GAPVD1: variants seen among roughly 807,000 people sequenced by gnomAD.
GAPVD1 encodes the protein GTPase-activating protein and VPS9 domain-containing protein 1.
GAPVD1 carries 35 observed loss-of-function variants against 155.5 expected under a neutral mutation model. The observed-to-expected ratio is 0.23, with a 90% confidence interval of 0.17 to 0.30. The LOEUF is 0.30. GAPVD1 is among the 10% of genes least tolerant of loss of function. The pLI is 1.00. For synonymous variants in GAPVD1, 636 were observed against 619.7 expected (o/e 1.03, Z -0.39); for missense variants, 1,429 against 1,775.7 (o/e 0.80, Z 3.51).
At position 125,307,890 on chromosome 9, in the gene GAPVD1, A is replaced by G. The variant is rs1203824713; in HGVS notation, c.1441+10A>G. 1 of 1,545,614 alleles carries G rather than the reference A, an allele frequency of 6.5e-7. No individual in the cohort carries two copies. The highest frequency in any genetic ancestry group is 8.9e-7 in the Non-Finnish European group (1 of 1,117,484). On this transcript the variant is annotated intron_variant, in intron 8 of 27. Coordinates refer to ENST00000297933, the MANE Select transcript of GAPVD1 (RefSeq NM_001282680.3). ...AATCGATTACCTATAGGTAAAGAGAATTTCTCGTATTGGAGCTTTCTCTTA... is the reference window on the plus strand; with the variant it reads ...AATCGATTACCTATAGGTAAAGAGAGTTTCTCGTATTGGAGCTTTCTCTTA...
At chr9:125,332,699 T>G in intron 15 of GAPVD1, 70 bp downstream of exon 15, 2 of 1,289,164 alleles carry the variant, frequency 1.6e-6, no homozygotes, top group Non-Finnish European at 2.2e-6. Flanking sequence ...CTGTGACACA[T>G]TGCTGGTGAC....
chr9:125,350,056 A>G (rs1849089021), intron 21 of GAPVD1, among the ~76,000 whole-genome samples: 1 of 152,140 alleles, frequency 6.6e-6, no homozygotes, highest in African/African-American at 2.4e-5. Context: ...AAAAAAGGTC[A>G]GAAAGGATTT....
At chr9:125,309,688 G>T (rs1012635143) in intron 8 of GAPVD1, among the ~76,000 whole-genome samples, 1 of 152,072 alleles carries the variant, frequency 6.6e-6, no homozygotes, top group African/African-American at 2.4e-5. Flanking sequence ...TGAAGTAAAT[G>T]ATTTTTAGTA....
intron 17 of GAPVD1, among the ~76,000 whole-genome samples, chr9:125,340,851 T>C (rs1847749598): frequency 6.6e-6 from 1 of 152,180 alleles, no homozygotes; most frequent in African/African-American, 2.4e-5. Flanking sequence ...AGACTGACTT[T>C]CTTATTTCAC....
At chr9:125,273,172 C>T (rs1835189854) in intron 2 of GAPVD1, among the ~76,000 whole-genome samples, 1 of 152,174 alleles carries the variant, frequency 6.6e-6, no homozygotes, top group South Asian at 2.1e-4. Context: ...ATTTCACACT[C>T]ATACAATTAA....
At chr9:125,317,143 C>T (rs1407239823) in intron 9 of GAPVD1, among the ~76,000 whole-genome samples, 2 of 151,806 alleles carry the variant, frequency 1.3e-5, no homozygotes, top group African/African-American at 4.8e-5. Flanking sequence ...CATGGTGAAA[C>T]CCCGTCTCGA....
At chr9:125,358,811 A>G (rs1318738567) in intron 25 of GAPVD1, among the ~76,000 whole-genome samples, 2 of 152,202 alleles carry the variant, frequency 1.3e-5, no homozygotes, top group Non-Finnish European at 2.9e-5. Flanking sequence ...ACAAACAGCA[A>G]CTTTGAAGGA....
At chr9:125,296,063 A>G (rs1004227841) in intron 3 of GAPVD1, among the ~76,000 whole-genome samples, 15 of 152,348 alleles carry the variant, frequency 9.8e-5, no homozygotes, top group African/African-American at 3.4e-4. Context: ...AGCGATCATT[A>G]TATACCTACC....
rs1564312007 is a variant in GAPVD1 at position 125,293,877 on chromosome 9, TATATA to T, written c.-149-1580_-149-1576del. Among the ~76,000 whole-genome samples the T allele has an allele frequency of 1.6e-4, 3 of 18,182 alleles. 1 individual carries two copies. Among genetic ancestry groups the T allele is most frequent in the African/African-American group, 8.4e-4 (3 of 3,570 alleles). The allele number at this position is 18,182 out of a possible 152,430, so 11.9% of individuals were successfully genotyped here. The stretch of plus-strand genomic sequence containing the variant: ...TTATATATATATATATATATATATA[TATATA>T]TATATATATATATATATATATAAGT... On this transcript the variant is annotated intron_variant, in intron 2 of 27. Transcript: ENST00000297933.
At chr9:125,307,392 G>GT (rs757344013) in intron 6 of GAPVD1, 21 bp from the exon 7 acceptor site, 16 of 1,538,532 alleles carry the variant, frequency 1.0e-5, no homozygotes, top group South Asian at 1.3e-5. Flanking sequence ...ATGTTTCACT[G>GT]TTTTTTTCCT....
intron 9 of GAPVD1, among the ~76,000 whole-genome samples, chr9:125,315,241 A>G (rs1843250441): frequency 6.6e-6 from 1 of 152,212 alleles, no homozygotes; most frequent in Non-Finnish European, 1.5e-5. Flanking sequence ...AAGACCAACA[A>G]TCTTCGAAAC....
In GAPVD1 at chr9:125,336,408, G is replaced by A. The variant is rs776853161; in HGVS notation, c.2429-610G>A. Among the ~76,000 whole-genome samples the A allele has an allele frequency of 8.3e-4, 126 of 151,794 alleles. No homozygotes were observed. In the Middle Eastern group the frequency reaches 0.01, roughly 12 times the overall value. ...ATACTTATCTATTTTAAAGTTATTT[G>A]CTGAGAGCAGTGTTAGAACTTCAAG... On this transcript the variant is annotated intron_variant, in intron 15 of 27. Coordinates refer to ENST00000297933, the MANE Select transcript of GAPVD1 (RefSeq NM_001282680.3).
At chr9:125,264,630 C>G (rs1204627403) in intron 1 of GAPVD1, among the ~76,000 whole-genome samples, 1 of 152,072 alleles carries the variant, frequency 6.6e-6, no homozygotes, top group Non-Finnish European at 1.5e-5. Context: ...CTCCCCACTT[C>G]CAAGGGATTG....
At chr9:125,279,389 G>A (rs1486260761) in intron 2 of GAPVD1, among the ~76,000 whole-genome samples, 7 of 151,762 alleles carry the variant, frequency 4.6e-5, no homozygotes, top group Non-Finnish European at 1.0e-4. Context: ...TGGCCAAATG[G>A]TGAAACCCTG....
At chr9:125,301,111 C>T (rs1356279675) in intron 4 of GAPVD1, among the ~76,000 whole-genome samples, 1 of 151,782 alleles carries the variant, frequency 6.6e-6, no homozygotes, top group East Asian at 1.9e-4. Flanking sequence ...GCTGTGTCGC[C>T]CAGGCTGAAA....
chr9:125,353,968 G>C (rs1178916124), intron 23 of GAPVD1, among the ~76,000 whole-genome samples: 1 of 152,192 alleles, frequency 6.6e-6, no homozygotes, highest in Admixed American at 6.5e-5. Context: ...ACAAAAGCAG[G>C]TAAAGAGGTA....
At chr9:125,321,148 C>G (rs1374487959) in intron 9 of GAPVD1, among the ~76,000 whole-genome samples, 4 of 152,108 alleles carry the variant, frequency 2.6e-5, no homozygotes, top group African/African-American at 9.7e-5. Context: ...CGTGCTGACA[C>G]CAAAGACTTC....
At chr9:125,298,481 ATTTTTTTTTTT>A (rs34644117) in intron 3 of GAPVD1, among the ~76,000 whole-genome samples, 1 of 89,250 alleles carries the variant, frequency 1.1e-5, no homozygotes, top group Non-Finnish European at 2.0e-5. Context: ...ATGTAACCTA[ATTTTTTTTTTT>A]TTTTTTTTTT....
At chr9:125,301,837 G>A (rs1840936884) in intron 4 of GAPVD1, 146 bp from the exon 5 acceptor site, 3 of 589,332 alleles carry the variant, frequency 5.1e-6, no homozygotes, top group East Asian at 6.0e-5. Context: ...TTGAGTTGCT[G>A]TTAGTTTAAA....
Sources: gnomAD v4.1 joint callset for allele counts (sites outside exome capture counted in the v4.1 genomes callset) on GRCh38, gnomAD v4.1.1 for gene constraint, MANE v1.5 for transcripts, NCBI Gene and HGNC (gene_info 2026-07-23, HGNC 2026-07-21) for gene names.